Variants in DDIAS observed in about 807,000 individuals in gnomAD.
DDIAS encodes the protein DNA damage induced apoptosis suppressor.
A neutral mutation model predicts 15.7 loss-of-function variants in DDIAS; 14 were observed. The observed-to-expected ratio is 0.89, with a 90% CI of 0.59 to 1.39. The LOEUF (loss-of-function observed/expected upper bound fraction) is 1.39. DDIAS is among the 40% of genes most tolerant of loss of function. The pLI is 0.00. For synonymous variants in DDIAS, 355 were observed against 395.9 expected, an observed-to-expected ratio of 0.90 and a Z score of 1.23; for missense variants, 1,035 against 1,130.9, an observed-to-expected ratio of 0.92 and a Z score of 1.22.
At chr11:82,903,672 T>C (rs2121308114) in intron 1 of DDIAS, among the ~76,000 whole-genome samples, 1 of 152,358 alleles carries the variant, frequency 6.6e-6, no homozygotes, top group East Asian at 1.9e-4. Flanking sequence ...AGGGACTTAT[T>C]ATGACTGCCT....
In DDIAS at chr11:82,908,268, A is replaced by T. The variant is rs533315981; in HGVS notation, c.-116-5019A>T. ...AAAGAAGGCCAGCATGGCTTGAAAT[A>T]CAGTGATTGAGGAGGAGAGTGGTAC... On this transcript the variant is annotated intron_variant, in intron 1 of 5. Transcript: ENST00000533655. 5.3e-5 allele frequency among the ~76,000 whole-genome samples: 8 copies of T among 152,360 alleles called. No individual in the cohort carries two copies. The East Asian group carries it at 1.2e-3, about 22-fold the overall frequency.
intron 3 of DDIAS, among the ~76,000 whole-genome samples, chr11:82,916,276 C>A (rs1860631434): frequency 6.6e-6 from 1 of 152,112 alleles, no homozygotes; most frequent in Non-Finnish European, 1.5e-5. Context: ...TTAGGATTTC[C>A]AAAGTGGTAG....
chr11:82,930,060 T>G, intron 4 of DDIAS, 97 bp from the exon 5 acceptor site: 1 of 694,752 alleles, frequency 1.4e-6, no homozygotes, highest in East Asian at 2.8e-5. Flanking sequence ...TATAAAAGGT[T>G]CATGCTGCAT....
At position 82,905,983 on chromosome 11, in the gene DDIAS, A is replaced by C. The variant is rs140672591; in HGVS notation, c.-117+4161A>C. Among the ~76,000 whole-genome samples, 89 of 152,286 alleles carry C rather than the reference A, an allele frequency of 5.8e-4. 1 individual carries two copies. Among genetic ancestry groups the C allele is most frequent in the African/African-American group, 2.0e-3 (85 of 41,568 alleles). On this transcript the variant is annotated intron_variant, in intron 1 of 5. Coordinates refer to ENST00000533655, the MANE Select transcript of DDIAS (RefSeq NM_145018.4). ...ATCTTCCTAATTTTAGTATTTACTT[A>C]TTCCTGATGTTTCATTCAATTATTC...
intron 3 of DDIAS, among the ~76,000 whole-genome samples, chr11:82,917,741 G>A (rs1246307924): frequency 3.9e-5 from 6 of 152,186 alleles, no homozygotes; most frequent in Admixed American, 3.3e-4. Flanking sequence ...CATAGTGGCT[G>A]TACTAGTTCA....
At chr11:82,902,391 C>A (rs1036419860) in intron 1 of DDIAS, among the ~76,000 whole-genome samples, 16 of 151,868 alleles carry the variant, frequency 1.1e-4, no homozygotes, top group Non-Finnish European at 1.9e-4. Flanking sequence ...AGTAACCCCC[C>A]CCTCCCCCGC....
At chr11:82,930,506 A>G (rs1176251552) in intron 5 of DDIAS, among the ~76,000 whole-genome samples, 7 of 152,044 alleles carry the variant, frequency 4.6e-5, no homozygotes, top group Admixed American at 1.3e-4. Flanking sequence ...TAAAAATATA[A>G]ATTTATTATA....
Position 82,934,041 on chromosome 11 carries a change from A to G in DDIAS, c.2703A>G (p.Pro901=), listed in dbSNP as rs1420273290. The change falls in exon 6 of 6, where the codon CCA becomes CCG. Residue 901 remains proline (P), a synonymous_variant. Transcript: ENST00000533655. ...ATTTCCCTGATCAACAAGAGTTACC[A>G]AGAAAGAAACTGAAACATATTAGAC... is the stretch of plus-strand genomic sequence containing the variant. ...AYHFPDQQEL[P]RKKLKHIRQG... is the part of the protein sequence containing the mutation. 6.2e-7 allele frequency: 1 copy of G among 1,613,916 alleles called. No individual in the cohort carries two copies. The highest frequency in any genetic ancestry group is 1.1e-5 in the South Asian group (1 of 90,972).
chr11:82,908,235 A>C (rs190604860), intron 1 of DDIAS, among the ~76,000 whole-genome samples: 1 of 152,334 alleles, frequency 6.6e-6, no homozygotes, highest in Non-Finnish European at 1.5e-5. Context: ...GGTGTGCTTG[A>C]GGAGCAGAAA....
chr11:82,910,661 G>C (rs565055283), intron 1 of DDIAS, among the ~76,000 whole-genome samples: 1 of 140,056 alleles, frequency 7.1e-6, no homozygotes, highest in East Asian at 2.1e-4. Flanking sequence ...TTTCACCCAG[G>C]CTGGAGTGCA....
chr11:82,920,251 G>A (rs919899656), intron 3 of DDIAS, among the ~76,000 whole-genome samples: 7 of 151,804 alleles, frequency 4.6e-5, no homozygotes, highest in African/African-American at 1.7e-4. Flanking sequence ...TCTTAATGAG[G>A]TTATTTGGAT....
intron 3 of DDIAS, among the ~76,000 whole-genome samples, chr11:82,927,638 T>A (rs1452385729): frequency 1.3e-5 from 2 of 152,124 alleles, no homozygotes; most frequent in East Asian, 1.9e-4. Flanking sequence ...TTCAAAAAAA[T>A]TTTTTAAACT....
At chr11:82,921,948 T>C (rs1860763893) in intron 3 of DDIAS, among the ~76,000 whole-genome samples, 1 of 152,222 alleles carries the variant, frequency 6.6e-6, no homozygotes, top group Admixed American at 6.5e-5. Flanking sequence ...AGAAAGACTG[T>C]ATCTTTCCTT....
intron 3 of DDIAS, among the ~76,000 whole-genome samples, chr11:82,919,260 G>T (rs915105546): frequency 6.6e-6 from 1 of 152,078 alleles, no homozygotes; most frequent in African/African-American, 2.4e-5. Flanking sequence ...ATTACATTGA[G>T]GTATGTCCCT....
At chr11:82,924,498 C>A (rs1344966596) in intron 3 of DDIAS, among the ~76,000 whole-genome samples, 2 of 152,110 alleles carry the variant, frequency 1.3e-5, no homozygotes, top group African/African-American at 4.8e-5. Flanking sequence ...TACATCTGGG[C>A]TAAATATAAG....
rs147036865 is a variant in DDIAS at position 82,933,337 on chromosome 11, A to G, written c.1999A>G (p.Ile667Val). Residue 667 changes from isoleucine (I) to valine (V), a missense_variant, in exon 6 of 6, where the codon ATT becomes GTT. Transcript: ENST00000533655. ...TAACAACGTAACACAGAGCTATTCT[A>G]TTGGTTATGAAGGTAGCTATGATGC... is the stretch of plus-strand genomic sequence containing the variant. ...INNNVTQSYS[I>V]GYEGSYDASA... 43 of 1,613,936 alleles carry G rather than the reference A, an allele frequency of 2.7e-5. No individual in the cohort carries two copies. Among genetic ancestry groups the G allele is most frequent in the South Asian group, 5.5e-5 (5 of 91,086 alleles).
At chr11:82,915,105 A>G (rs998740771) in intron 3 of DDIAS, among the ~76,000 whole-genome samples, 1 of 152,260 alleles carries the variant, frequency 6.6e-6, no homozygotes, top group South Asian at 2.1e-4. Flanking sequence ...GTAAGTTCCA[A>G]TACTGGGTAC....
At chr11:82,914,900 G>A (rs1416169207) in intron 3 of DDIAS, 49 bp downstream of exon 3, 5 of 1,254,112 alleles carry the variant, frequency 4.0e-6, no homozygotes, top group Non-Finnish European at 5.7e-6. Context: ...AATGCACACT[G>A]TAGATTTCCT....
Position 82,933,841 on chromosome 11 carries a change from A to G in DDIAS, c.2503A>G (p.Arg835Gly). 6.2e-7 allele frequency: 1 copy of G among 1,614,064 alleles called. No individual in the cohort carries two copies. The highest frequency in any genetic ancestry group is 2.2e-5 in the East Asian group (1 of 44,880). The change falls in exon 6 of 6, where the codon AGA becomes GGA. Residue 835 changes from arginine to glycine, a missense_variant. Physicochemically the swap from Arg to Gly is moderately radical, Grantham distance 125. Coordinates refer to ENST00000533655, the MANE Select transcript of DDIAS (RefSeq NM_145018.4). ...TATAAAAACACCTAGCCAGAAAATCAGAAGCCCTATTGTATCTGGTGTTTC... is the reference window on the plus strand; with the variant it reads ...TATAAAAACACCTAGCCAGAAAATCGGAAGCCCTATTGTATCTGGTGTTTC... ...KNIKTPSQKI[R>G]SPIVSGVSQP...
Sources: gnomAD v4.1 joint callset for allele counts (sites outside exome capture counted in the v4.1 genomes callset) on GRCh38, gnomAD v4.1.1 for gene constraint, MANE v1.5 for transcripts, NCBI Gene and HGNC (gene_info 2026-07-23, HGNC 2026-07-21) for gene names.